CNTNAP2: variants seen among roughly 807,000 people sequenced by gnomAD.
CNTNAP2 encodes the protein contactin-associated protein-like 2.
A neutral mutation model predicts 155.2 loss-of-function variants in CNTNAP2; 98 were observed. That is an observed-to-expected ratio of 0.63 (90% confidence interval 0.54 to 0.75). The LOEUF (loss-of-function observed/expected upper bound fraction) is 0.75. Ranked by LOEUF, CNTNAP2 falls within the 30% of genes least tolerant of loss-of-function variation. The pLI is 0.00. For missense variants in CNTNAP2, 1,727 were observed against 1,688.1 expected, an observed-to-expected ratio of 1.02 and a Z score of -0.40; for synonymous variants, 651 against 631.2, an observed-to-expected ratio of 1.03 and a Z score of -0.47.
chr7:146,538,309 A>C (rs928692219), intron 1 of CNTNAP2, among the ~76,000 whole-genome samples: 3 of 152,106 alleles, frequency 2.0e-5, no homozygotes, highest in Non-Finnish European at 4.4e-5. Flanking sequence ...ATGAGCATTG[A>C]TTTCTTGCTC....
At chr7:147,078,318 A>T (rs1800035215) in intron 4 of CNTNAP2, among the ~76,000 whole-genome samples, 1 of 152,354 alleles carries the variant, frequency 6.6e-6, no homozygotes, top group East Asian at 1.9e-4. Flanking sequence ...CATTAATTAA[A>T]GTAGAACAAA....
chr7:146,571,554 C>T (rs1798439857), intron 1 of CNTNAP2, among the ~76,000 whole-genome samples: 1 of 151,962 alleles, frequency 6.6e-6, no homozygotes, highest in Non-Finnish European at 1.5e-5. Flanking sequence ...TGATTTTTGT[C>T]TAGCTCTGAG....
intron 1 of CNTNAP2, among the ~76,000 whole-genome samples, chr7:146,147,629 C>T (rs1797975730): frequency 6.6e-6 from 1 of 152,090 alleles, no homozygotes; most frequent in Non-Finnish European, 1.5e-5. Flanking sequence ...ATCCCTTTAG[C>T]CAGCTAGAAT....
chr7:147,703,965 T>C (rs1796273457), intron 13 of CNTNAP2, among the ~76,000 whole-genome samples: 1 of 152,194 alleles, frequency 6.6e-6, no homozygotes, highest in Non-Finnish European at 1.5e-5. Context: ...AATATTTGTC[T>C]TTCCATGCCT....
Position 146,149,881 on chromosome 7 carries a change from A to G in CNTNAP2, c.97+32908A>G, listed in dbSNP as rs1798011941. 4.8e-5 allele frequency among the ~76,000 whole-genome samples: 7 copies of G among 146,044 alleles called. No individual in the cohort carries two copies. In the South Asian group the frequency reaches 1.5e-3, roughly 31 times the overall value. On this transcript the variant is annotated intron_variant, in intron 1 of 23. Coordinates refer to ENST00000361727, the MANE Select transcript of CNTNAP2 (RefSeq NM_014141.6). ...ACACAAACAGCATTAGCCACAAAGA[A>G]AAAAAAAAAAAAAAAAAGACCAGTC...
intron 15 of CNTNAP2, among the ~76,000 whole-genome samples, chr7:148,092,897 AAAC>A (rs1207822415): frequency 2.0e-5 from 3 of 151,118 alleles, no homozygotes; most frequent in African/African-American, 4.9e-5. Flanking sequence ...AAAAAAAAAA[AAAC>A]AACCACAAAG....
intron 1 of CNTNAP2, among the ~76,000 whole-genome samples, chr7:146,592,875 A>T (rs753003284): frequency 6.6e-6 from 1 of 152,094 alleles, no homozygotes; most frequent in African/African-American, 2.4e-5. Flanking sequence ...GAACCGCTAC[A>T]GCTTGCAAAC....
intron 9 of CNTNAP2, among the ~76,000 whole-genome samples, chr7:147,321,036 A>T (rs1795342305): frequency 6.6e-6 from 1 of 152,218 alleles, no homozygotes; most frequent in Admixed American, 6.5e-5. Context: ...TCTATGTGCA[A>T]ATAACCACAC....
At chr7:148,192,381 A>G (rs1176707496) in intron 18 of CNTNAP2, among the ~76,000 whole-genome samples, 1 of 152,226 alleles carries the variant, frequency 6.6e-6, no homozygotes, top group Non-Finnish European at 1.5e-5. Flanking sequence ...TAAAGTCCTT[A>G]GACTATGTAT....
At chr7:147,350,948 T>C (rs1795957447) in intron 9 of CNTNAP2, among the ~76,000 whole-genome samples, 1 of 151,756 alleles carries the variant, frequency 6.6e-6, no homozygotes, top group Admixed American at 6.6e-5. Context: ...ATAACAAATA[T>C]GATCATTTTC....
chr7:146,923,265 CTGGTATGCA>C (rs1344558572), intron 3 of CNTNAP2, among the ~76,000 whole-genome samples: 1 of 152,176 alleles, frequency 6.6e-6, no homozygotes, highest in Non-Finnish European at 1.5e-5. Context: ...GCAGAACATG[CTGGTATGCA>C]TGAAGGTAGC....
chr7:146,486,046 C>CTTTTTTTTTTT (rs71175651), intron 1 of CNTNAP2, among the ~76,000 whole-genome samples: 1 of 42,606 alleles, frequency 2.3e-5, no homozygotes, highest in African/African-American at 8.4e-5. Context: ...CCACAGCAGT[C>CTTTTTTTTTTT]TTTTTTTTTT....
At chr7:147,641,518 G>A (rs1170816106) in intron 13 of CNTNAP2, among the ~76,000 whole-genome samples, 1 of 152,144 alleles carries the variant, frequency 6.6e-6, no homozygotes, top group African/African-American at 2.4e-5. Context: ...CTCAGGTGGT[G>A]CTTGAGAATT....
intron 9 of CNTNAP2, among the ~76,000 whole-genome samples, chr7:147,328,497 C>T (rs555057399): frequency 2.0e-5 from 3 of 152,170 alleles, no homozygotes; most frequent in Admixed American, 6.5e-5. Flanking sequence ...AGGACTGGGA[C>T]GACTGAATCG....
intron 1 of CNTNAP2, among the ~76,000 whole-genome samples, chr7:146,118,564 T>G (rs1370009574): frequency 6.6e-6 from 1 of 152,128 alleles, no homozygotes; most frequent in Non-Finnish European, 1.5e-5. Flanking sequence ...ATTCACTGAT[T>G]GAAGGTCCTC....
At chr7:147,945,868 C>CTTTTTTTTTTTTTTTT (rs34305612) in intron 14 of CNTNAP2, among the ~76,000 whole-genome samples, 5 of 123,358 alleles carry the variant, frequency 4.1e-5, no homozygotes, top group African/African-American at 6.0e-5. Flanking sequence ...TTTTCTTTTT[C>CTTTTTTTTTTTTTTTT]TTTTTTTTTT....
intron 1 of CNTNAP2, among the ~76,000 whole-genome samples, chr7:146,483,170 G>A (rs1014671491): frequency 6.7e-6 from 1 of 149,610 alleles, no homozygotes; most frequent in Non-Finnish European, 1.5e-5. Context: ...CAGCTACTCG[G>A]GGGGCTGAGG....
chr7:147,316,599 A>G (rs1177524389), intron 9 of CNTNAP2, among the ~76,000 whole-genome samples: 1 of 152,202 alleles, frequency 6.6e-6, no homozygotes, highest in Admixed American at 6.5e-5. Context: ...TCAATTTATT[A>G]AGATTTAAAT....
At chr7:147,319,571 T>C (rs980290335) in intron 9 of CNTNAP2, among the ~76,000 whole-genome samples, 1 of 152,068 alleles carries the variant, frequency 6.6e-6, no homozygotes, top group African/African-American at 2.4e-5. Flanking sequence ...AGAGATGAGG[T>C]TTCACCATGT....
Sources: allele counts gnomAD v4.1 joint callset (sites outside exome capture counted in the v4.1 genomes callset), GRCh38; gene constraint gnomAD v4.1.1; transcripts MANE v1.5; gene names NCBI Gene and HGNC (gene_info 2026-07-23, HGNC 2026-07-21).